Variants in RLF observed in about 807,000 individuals in gnomAD.
RLF encodes RLF zinc finger, also known as zinc finger protein Rlf.
RLF carries 7 observed loss-of-function variants against 162.9 expected under a neutral mutation model. The ratio of observed to expected loss-of-function variants is 0.04; its 90% CI spans 0.02 to 0.08. The LOEUF (loss-of-function observed/expected upper bound fraction) is 0.08. RLF is among the 10% of genes least tolerant of loss of function. The pLI is 1.00. For missense variants in RLF, 1,664 were observed against 2,244.7 expected (o/e 0.74, Z 5.23); for synonymous variants, 782 against 791.5 (o/e 0.99, Z 0.20).
chr1:40,211,717 G>T (rs1326709372), intron 5 of RLF, among the ~76,000 whole-genome samples: 3 of 152,066 alleles, frequency 2.0e-5, no homozygotes, highest in Non-Finnish European at 1.5e-5. Context: ...TGCCTCTCGG[G>T]TTCAAGTGAT....
intron 4 of RLF, among the ~76,000 whole-genome samples, chr1:40,198,745 T>C (rs1176679427): frequency 3.3e-5 from 5 of 152,302 alleles, no homozygotes; most frequent in Non-Finnish European, 4.4e-5. Context: ...ACCAGTTCAA[T>C]TGTTAAATCT....
At position 40,236,891 on chromosome 1, in the gene RLF, G is replaced by A. The variant is rs771137858; in HGVS notation, c.2189G>A (p.Arg730Gln). The change falls in exon 8 of 8, where the codon CGA becomes CAA. Residue 730 changes from arginine (R) to glutamine (Q), a missense_variant. Arg to Gln is a conservative substitution (Grantham distance 43, BLOSUM62 1). This residue lies in a region of RLF where 69 missense variants were observed against 206.4 expected (regional missense o/e 0.33). Coordinates refer to ENST00000372771, the MANE Select transcript of RLF (RefSeq NM_012421.4). This position sits in a 1 kb window ranked among gnomAD's most constrained non-coding sequence, Gnocchi z 7.7. ...RRHFMSAFHL[R>Q]EHEQVHCGPQ... The stretch of plus-strand genomic sequence containing the variant: ...CATTTTATGTCTGCTTTTCACCTTC[G>A]AGAGCACGAACAAGTGCATTGTGGG... The A allele has an allele frequency of 3.1e-6, 5 of 1,614,022 alleles. No homozygotes were observed. Among genetic ancestry groups the A allele is most frequent in the African/African-American group, 2.7e-5 (2 of 74,928 alleles).
chr1:40,195,581 C>A lies in RLF; in HGVS notation c.475-51C>A, dbSNP rs558771245. 4 of 1,524,926 alleles carry A rather than the reference C, an allele frequency of 2.6e-6. No individual in the cohort carries two copies. In the South Asian group the frequency reaches 3.7e-5, roughly 14 times the overall value. 94.5% of individuals were successfully genotyped at this position (1,524,926 alleles called of 1,614,324 possible). ...TATCAGATATGTTGAAAAGGCAAAA[C>A]TAATTTTTATATTGTTAACTTATTT... is the stretch of plus-strand genomic sequence containing the variant. On this transcript the variant is annotated intron_variant, in intron 3 of 7. Transcript: ENST00000372771.
intron 5 of RLF, among the ~76,000 whole-genome samples, chr1:40,216,551 C>T (rs981730665): frequency 7.3e-5 from 11 of 151,284 alleles, no homozygotes; most frequent in African/African-American, 2.7e-4. Flanking sequence ...AAATAGAAAA[C>T]CTGAATATAC....
chr1:40,226,720 C>A (rs1234669239), intron 6 of RLF, among the ~76,000 whole-genome samples: 1 of 151,866 alleles, frequency 6.6e-6, no homozygotes, highest in East Asian at 1.9e-4. Context: ...AGGGGATGAT[C>A]ATCCCTTAAT....
intron 6 of RLF, among the ~76,000 whole-genome samples, chr1:40,226,508 G>C (rs1352028180): frequency 6.6e-6 from 1 of 152,160 alleles, no homozygotes; most frequent in African/African-American, 2.4e-5. Context: ...TTCAGATGTA[G>C]TTACATGTCT....
chr1:40,185,826 CAAAAAAAAAAAAAAAGCAAAAAAA>C (rs1319892867), intron 1 of RLF, among the ~76,000 whole-genome samples: 4 of 30,286 alleles, frequency 1.3e-4, no homozygotes, highest in Admixed American at 6.5e-4. Context: ...GAGACTGTCT[CAAAAAAAAAAAAAAAGCAAAAAAA>C]AAAAAAAAAA....
chr1:40,200,435 A>C (rs1363101754), intron 4 of RLF, among the ~76,000 whole-genome samples: 1 of 152,170 alleles, frequency 6.6e-6, no homozygotes, highest in Non-Finnish European at 1.5e-5. Context: ...GATGATTGAC[A>C]GAGATTGGAA....
intron 6 of RLF, among the ~76,000 whole-genome samples, chr1:40,227,570 A>C (rs1254950281): frequency 6.6e-6 from 1 of 152,176 alleles, no homozygotes; most frequent in Non-Finnish European, 1.5e-5. Context: ...ACATCAATTT[A>C]TAACTATGCA....
intron 4 of RLF, among the ~76,000 whole-genome samples, chr1:40,200,940 T>A (rs903192222): frequency 7.7e-4 from 59 of 77,022 alleles, no homozygotes; most frequent in East Asian, 9.6e-4. Context: ...ACACACACAC[T>A]GGTTTATCCT....
rs551875636 is a variant in RLF at position 40,231,335 on chromosome 1, C to T, written c.948-182C>T. On this transcript the variant is annotated intron_variant, in intron 6 of 7. Coordinates refer to ENST00000372771, the MANE Select transcript of RLF (RefSeq NM_012421.4). ...CAAGAGAGAAGTCAGGGAATTGTTA[C>T]GGAGGATTCTTAACAATTTTATCAG... 2.6e-5 allele frequency among the ~76,000 whole-genome samples: 4 copies of T among 152,138 alleles called. No homozygotes were observed. In the South Asian group the frequency reaches 6.2e-4, roughly 24 times the overall value.
At chr1:40,206,061 G>C (rs1014396119) in intron 5 of RLF, among the ~76,000 whole-genome samples, 10 of 152,004 alleles carry the variant, frequency 6.6e-5, no homozygotes, top group Non-Finnish European at 1.3e-4. Context: ...CTCCAGCCCT[G>C]TTCCCTCCTC....
intron 6 of RLF, among the ~76,000 whole-genome samples, chr1:40,228,064 C>T (rs1643101788): frequency 6.6e-6 from 1 of 152,016 alleles, no homozygotes; most frequent in Non-Finnish European, 1.5e-5. Context: ...GTGGGTGGAT[C>T]TCTTGAAGTC....
chr1:40,173,092 G>GTTTTTTTTTTT (rs1557737643), intron 1 of RLF, among the ~76,000 whole-genome samples: 1 of 144,002 alleles, frequency 6.9e-6, no homozygotes, highest in African/African-American at 2.7e-5. Context: ...TTTTTTTTTT[G>GTTTTTTTTTTT]TGAGGCAGAG....
At chr1:40,223,745 C>T (rs1226140407) in intron 6 of RLF, among the ~76,000 whole-genome samples, 1 of 152,176 alleles carries the variant, frequency 6.6e-6, no homozygotes, top group Non-Finnish European at 1.5e-5. Context: ...AATCATTGCA[C>T]AGGTGAGGCA....
Position 40,161,751 on chromosome 1 carries a change from C to A in RLF, c.237+115C>A. On this transcript the variant is annotated intron_variant, in intron 1 of 7. Coordinates refer to ENST00000372771, the MANE Select transcript of RLF (RefSeq NM_012421.4). The surrounding 1 kb of genome is among the most constrained non-coding windows in gnomAD (Gnocchi z 4.4). Reference sequence around the variant, plus strand: ...TGAAAGGCGCCACCTCCGTGACTCGCCGCGCCCCCGGGCCGGGAAGGCCCA... The same window carrying A: ...TGAAAGGCGCCACCTCCGTGACTCGACGCGCCCCCGGGCCGGGAAGGCCCA... 1 of 1,405,846 alleles carries A rather than the reference C, an allele frequency of 7.1e-7. No homozygotes were observed. Among genetic ancestry groups the A allele is most frequent in the Non-Finnish European group, 9.4e-7 (1 of 1,062,774 alleles). 87.1% of individuals were successfully genotyped at this position (1,405,846 alleles called of 1,614,324 possible). A position where few individuals can be genotyped will look rare whatever the true frequency, so the allele number is the denominator to read the frequency against.
rs754128889 is a variant in RLF at position 40,235,827 on chromosome 1, G to A, written c.1125G>A (p.Leu375=). ...QDAGLGVSIL[L]CVRALQLRSS... is the part of the protein sequence containing the mutation. ...CTGGTCTTGGGGTGTCAATTTTACT[G>A]TGTGTCAGAGCTCTTCAACTCAGAT... is the stretch of plus-strand genomic sequence containing the variant. The change falls in exon 8 of 8, where the codon CTG becomes CTA. Residue 375 remains leucine (L), a synonymous_variant. Coordinates refer to ENST00000372771, the MANE Select transcript of RLF (RefSeq NM_012421.4). 4 of 1,605,692 alleles carry A rather than the reference G, an allele frequency of 2.5e-6. No homozygotes were observed. Among genetic ancestry groups the A allele is most frequent in the Non-Finnish European group, 3.4e-6 (4 of 1,177,074 alleles).
chr1:40,216,348 C>T (rs1216736350), intron 5 of RLF, among the ~76,000 whole-genome samples: 1 of 151,818 alleles, frequency 6.6e-6, no homozygotes, highest in African/African-American at 2.4e-5. Context: ...ATCAGCTGGG[C>T]GTGGTGGCAC....
At chr1:40,165,547 G>T (rs900885816) in intron 1 of RLF, among the ~76,000 whole-genome samples, 1 of 152,082 alleles carries the variant, frequency 6.6e-6, no homozygotes, top group Non-Finnish European at 1.5e-5. Context: ...TGATTTACCA[G>T]ATAGGTTTCC....
Sources: allele counts gnomAD v4.1 joint callset (sites outside exome capture counted in the v4.1 genomes callset), GRCh38; gene constraint gnomAD v4.1.1; regional missense constraint gnomAD v4.1.1; non-coding constraint Gnocchi (gnomAD v3.1); transcripts MANE v1.5; gene names NCBI Gene and HGNC (gene_info 2026-07-23, HGNC 2026-07-21).